Variants in MTDH observed in about 807,000 individuals in gnomAD.
The protein encoded by MTDH is protein LYRIC.
Under a neutral mutation model 72.7 loss-of-function variants are expected in MTDH, and 34 were observed. That is an observed-to-expected ratio of 0.47 (90% CI 0.36 to 0.62). MTDH has a LOEUF of 0.62. Ranked by LOEUF, MTDH falls within the 20% of genes least tolerant of loss-of-function variation. MTDH has a pLI of 0.00. For missense variants in MTDH, 677 were observed against 699.4 expected (o/e 0.97, Z 0.36); for synonymous variants, 266 against 268.9 (o/e 0.99, Z 0.10).
chr8:97,647,161 A>G (rs909279933), intron 1 of MTDH, among the ~76,000 whole-genome samples: 1 of 152,230 alleles, frequency 6.6e-6, no homozygotes, highest in Non-Finnish European at 1.5e-5. Context: ...GTGAAAAGGC[A>G]TACAATATGG....
At chr8:97,700,920 A>G (rs566294661) in intron 7 of MTDH, among the ~76,000 whole-genome samples, 1 of 152,248 alleles carries the variant, frequency 6.6e-6, no homozygotes, top group East Asian at 1.9e-4. Context: ...GTTCTTACAG[A>G]TTAAGGGAGA....
intron 6 of MTDH, among the ~76,000 whole-genome samples, chr8:97,695,850 A>C (rs1022319344): frequency 2.6e-5 from 4 of 152,240 alleles, no homozygotes; most frequent in Admixed American, 2.6e-4. Context: ...GTTCAGTGCT[A>C]TCCCAAAGTA....
At position 97,682,266 on chromosome 8, in the gene MTDH, A is replaced by T. The variant is rs1408094053; in HGVS notation, c.484-4402A>T. Among the ~76,000 whole-genome samples, 34 of 5,684 alleles carry T rather than the reference A, an allele frequency of 6.0e-3. 5 individuals are homozygous for T. In the East Asian group the frequency reaches 0.097, roughly 16 times the overall value. The allele number at this position is 5,684 out of a possible 152,430, so 3.7% of individuals were successfully genotyped here. On this transcript the variant is annotated intron_variant, in intron 2 of 11. Coordinates refer to ENST00000336273, the MANE Select transcript of MTDH (RefSeq NM_178812.4). The stretch of plus-strand genomic sequence containing the variant: ...TATATATATATATATATATATATAT[A>T]TATATATATATATATTTTTTTTTTT...
At chr8:97,680,348 C>T (rs1813021895) in intron 2 of MTDH, among the ~76,000 whole-genome samples, 1 of 152,164 alleles carries the variant, frequency 6.6e-6, no homozygotes. Context: ...GCTGGGATTA[C>T]AAGCATGTAC....
chr8:97,651,690 C>T (rs72669698), intron 1 of MTDH, among the ~76,000 whole-genome samples: 23 of 152,294 alleles, frequency 1.5e-4, no homozygotes, highest in Admixed American at 3.3e-4. Flanking sequence ...TGGGGAACAA[C>T]TGTATATTAG....
intron 2 of MTDH, among the ~76,000 whole-genome samples, chr8:97,662,351 T>A (rs1480082395): frequency 3.4e-5 from 5 of 147,882 alleles, no homozygotes; most frequent in Non-Finnish European, 7.5e-5. Flanking sequence ...TCCCCCTTTT[T>A]AAAAAAAAAT....
At chr8:97,675,573 A>G (rs1017333482) in intron 2 of MTDH, among the ~76,000 whole-genome samples, 2 of 147,018 alleles carry the variant, frequency 1.4e-5, no homozygotes, top group Non-Finnish European at 3.0e-5. Flanking sequence ...AAAAAAAAAA[A>G]AAAAAATTAC....
intron 7 of MTDH, among the ~76,000 whole-genome samples, chr8:97,700,127 T>A (rs1219313837): frequency 1.3e-5 from 2 of 152,224 alleles, no homozygotes; most frequent in African/African-American, 2.4e-5. Flanking sequence ...TAAATGAATG[T>A]CTGTTTCTCC....
intron 9 of MTDH, among the ~76,000 whole-genome samples, chr8:97,715,665 T>C (rs1195213915): frequency 6.6e-6 from 1 of 152,224 alleles, no homozygotes; most frequent in Non-Finnish European, 1.5e-5. Flanking sequence ...CTGGAGCTGG[T>C]AGATGAGAAA....
chr8:97,712,857 A>G (rs1274450090), intron 8 of MTDH, among the ~76,000 whole-genome samples: 1 of 151,782 alleles, frequency 6.6e-6, no homozygotes, highest in East Asian at 1.9e-4. Flanking sequence ...TCTTTTGCAT[A>G]TTTTCTAAGG....
In MTDH at chr8:97,693,311, A is replaced by G. The variant is rs77754218; in HGVS notation, c.1048+2123A>G. On this transcript the variant is annotated intron_variant, in intron 6 of 11. Coordinates refer to ENST00000336273, the MANE Select transcript of MTDH (RefSeq NM_178812.4). ...TGATGAGATTGAAAAGTTTTCCACA[A>G]CTTTCTTGGTCATTTCTTTTTTTGT... Among the ~76,000 whole-genome samples, 712 of 151,910 alleles carry G rather than the reference A, an allele frequency of 4.7e-3. 7 individuals are homozygous for G. The highest frequency in any genetic ancestry group is 0.016 in the African/African-American group (670 of 41,446).
At chr8:97,651,595 G>A (rs557571457) in intron 1 of MTDH, among the ~76,000 whole-genome samples, 4 of 152,166 alleles carry the variant, frequency 2.6e-5, no homozygotes, top group South Asian at 4.1e-4. Context: ...AGAAATGACC[G>A]TGAAAGTACC....
chr8:97,691,251 T>C (rs1813596024), intron 6 of MTDH, 63 bp downstream of exon 6: 2 of 1,226,934 alleles, frequency 1.6e-6, no homozygotes, highest in Non-Finnish European at 1.1e-6. Flanking sequence ...TTTTTAATTT[T>C]TCAGAAATAG....
chr8:97,679,739 A>G lies in MTDH; in HGVS notation c.484-6929A>G, dbSNP rs1812994597. 2.0e-5 allele frequency among the ~76,000 whole-genome samples: 3 copies of G among 152,208 alleles called. No individual in the cohort carries two copies. In the South Asian group the frequency reaches 6.2e-4, roughly 32 times the overall value. On this transcript the variant is annotated intron_variant, in intron 2 of 11. Transcript: ENST00000336273. Reference sequence around the variant, plus strand: ...TTTATAAACAAATATCTTGGGGTATATGCTCAATTTTTTCCCATGGAAGTA... The same window carrying G: ...TTTATAAACAAATATCTTGGGGTATGTGCTCAATTTTTTCCCATGGAAGTA...
At chr8:97,689,432 T>A (rs1485664796) in intron 5 of MTDH, among the ~76,000 whole-genome samples, 2 of 151,164 alleles carry the variant, frequency 1.3e-5, no homozygotes, top group Non-Finnish European at 2.9e-5. Flanking sequence ...TAATATAGCA[T>A]ATATCGGATA....
intron 2 of MTDH, among the ~76,000 whole-genome samples, chr8:97,685,198 G>C (rs982838409): frequency 9.9e-5 from 15 of 151,394 alleles, no homozygotes; most frequent in African/African-American, 3.4e-4. Flanking sequence ...TTTTTTAAGT[G>C]GATATGAGTC....
chr8:97,709,952 A>G (rs1028433869), intron 8 of MTDH, among the ~76,000 whole-genome samples: 1 of 152,228 alleles, frequency 6.6e-6, no homozygotes, highest in Non-Finnish European at 1.5e-5. Flanking sequence ...GTGGGAAACT[A>G]CATTTCTTGT....
intron 2 of MTDH, among the ~76,000 whole-genome samples, chr8:97,679,822 C>T (rs899386244): frequency 6.7e-6 from 1 of 149,820 alleles, no homozygotes; most frequent in African/African-American, 2.5e-5. Flanking sequence ...ACCCCTTTAT[C>T]TGGCATATTT....
chr8:97,697,500 C>T (rs1207160828), intron 6 of MTDH, among the ~76,000 whole-genome samples: 1 of 150,360 alleles, frequency 6.7e-6, no homozygotes, highest in Admixed American at 6.7e-5. Context: ...ATTCTCCTGC[C>T]TCGGCGTCCC....
Sources: allele counts gnomAD v4.1 joint callset (sites outside exome capture counted in the v4.1 genomes callset), GRCh38; gene constraint gnomAD v4.1.1; transcripts MANE v1.5; gene names NCBI Gene and HGNC (gene_info 2026-07-23, HGNC 2026-07-21).